QSER1: variants seen among roughly 807,000 people sequenced by gnomAD.
The protein encoded by QSER1 is glutamine and serine rich 1.
A neutral mutation model predicts 158.5 loss-of-function variants in QSER1; 49 were observed. The ratio of observed to expected loss-of-function variants is 0.31; its 90% CI spans 0.25 to 0.39. The LOEUF (loss-of-function observed/expected upper bound fraction) is 0.39. Ranked by LOEUF, QSER1 falls within the 10% of genes least tolerant of loss-of-function variation. The pLI is 1.00. For missense variants in QSER1, 1,754 were observed against 2,010.3 expected, an observed-to-expected ratio of 0.87 and a Z score of 2.44; for synonymous variants, 650 against 715.5, an observed-to-expected ratio of 0.91 and a Z score of 1.46.
chr11:32,934,385 CAG>C lies in QSER1; in HGVS notation c.3129_3130del (p.Asn1044TyrfsTer3), dbSNP rs752569173. Reference protein sequence around the residue: ...NSMTATVGKPQNINDTSLNGN... With the variant: ...NSMTATVGKPXNINDTSLNGN... ...TATGACAGCTACAGTAGGAAAGCCA[CAG>C]AATATAAATGATACTTCCTTAAATG... On this transcript the variant is annotated frameshift_variant, in exon 4 of 13. Transcript: ENST00000650167. LOFTEE classifies it high-confidence loss of function. 1 of 1,613,730 alleles carries C rather than the reference CAG, an allele frequency of 6.2e-7. No individual in the cohort carries two copies. Among genetic ancestry groups the C allele is most frequent in the Non-Finnish European group, 8.5e-7 (1 of 1,179,896 alleles).
chr11:32,900,503 G>A (rs534688576), intron 1 of QSER1, among the ~76,000 whole-genome samples: 22 of 150,372 alleles, frequency 1.5e-4, no homozygotes, highest in South Asian at 4.2e-4. Flanking sequence ...AGACTGCAGT[G>A]AGCTGAGATC....
intron 4 of QSER1, among the ~76,000 whole-genome samples, chr11:32,943,670 A>C (rs1187161894): frequency 6.6e-6 from 1 of 150,922 alleles, no homozygotes; most frequent in Non-Finnish European, 1.5e-5. Context: ...ATCAATGTTC[A>C]TCAAGGATAT....
At chr11:32,938,180 A>G (rs555657181) in intron 4 of QSER1, among the ~76,000 whole-genome samples, 10 of 152,188 alleles carry the variant, frequency 6.6e-5, no homozygotes, top group Non-Finnish European at 1.3e-4. Flanking sequence ...CTCATCTGTA[A>G]AATGGGACAT....
At chr11:32,907,565 C>T (rs1442288645) in intron 1 of QSER1, among the ~76,000 whole-genome samples, 2 of 152,098 alleles carry the variant, frequency 1.3e-5, no homozygotes, top group African/African-American at 4.8e-5. Context: ...CTGAAAAAAA[C>T]ATTTCGTAGC....
intron 1 of QSER1, among the ~76,000 whole-genome samples, chr11:32,909,032 C>T (rs184600058): frequency 1.5e-3 from 225 of 152,224 alleles, no homozygotes; most frequent in African/African-American, 5.0e-3. Context: ...TGGTGGTACA[C>T]GCCTATGGTC....
Position 32,934,005 on chromosome 11 carries a change from ATCC to A in QSER1, c.2750_2752del (p.Pro917del). On this transcript the variant is annotated inframe_deletion, in exon 4 of 13. Transcript: ENST00000650167. ...GGTGATCATTCTCAGCAGCAACTCC[ATCC>A]TCAAAATTCTGAAGTTATGAAAATG... 6.2e-7 allele frequency: 1 copy of A among 1,613,718 alleles called. No homozygotes were observed. The highest frequency in any genetic ancestry group is 8.5e-7 in the Non-Finnish European group (1 of 1,179,868).
At chr11:32,903,655 G>A (rs938124055) in intron 1 of QSER1, among the ~76,000 whole-genome samples, 3 of 152,058 alleles carry the variant, frequency 2.0e-5, no homozygotes, top group Non-Finnish European at 4.4e-5. Context: ...CGCCCAGGCT[G>A]GAGTACAGTG....
intron 11 of QSER1, 37 bp downstream of exon 11, chr11:32,973,586 T>C: frequency 6.5e-7 from 1 of 1,539,426 alleles, no homozygotes. Context: ...CTATACCTTT[T>C]CCAATTGTTA....
rs1450693241 is a variant in QSER1 at position 32,928,089 on chromosome 11, C to T, written c.450C>T (p.Leu150=). 7 of 1,613,626 alleles carry T rather than the reference C, an allele frequency of 4.3e-6. No homozygotes were observed. Among genetic ancestry groups the T allele is most frequent in the Non-Finnish European group, 5.9e-6 (7 of 1,179,698 alleles). ...TAQAAASGTT[L]LPQFRAPSWQ... is the part of the protein sequence containing the mutation. ...AGGCTGCTGCTTCAGGAACTACTCT[C>T]TTACCACAATTCAGGGCTCCATCCT... is the stretch of plus-strand genomic sequence containing the variant. Residue 150 remains leucine, a synonymous_variant, in exon 3 of 13, where the codon CTC becomes CTT. Coordinates refer to ENST00000650167, the MANE Select transcript of QSER1 (RefSeq NM_001076786.3).
chr11:32,973,460 G>A lies in QSER1; in HGVS notation c.5269G>A (p.Gly1757Arg), dbSNP rs1427469464. 1.2e-6 allele frequency: 2 copies of A among 1,613,442 alleles called. No homozygotes were observed. Among genetic ancestry groups the A allele is most frequent in the African/African-American group, 2.7e-5 (2 of 74,918 alleles). The change falls in exon 11 of 13, where the codon GGA (glycine) becomes AGA (arginine). Residue 1757 changes from glycine to arginine, a missense_variant. By Grantham distance (125) the Gly-to-Arg change is moderately radical (BLOSUM62 -2). Coordinates refer to ENST00000650167, the MANE Select transcript of QSER1 (RefSeq NM_001076786.3). ...ITRDSKAKSGGTAISKIKMNG... is the reference protein window; with the variant it reads ...ITRDSKAKSGRTAISKIKMNG... Reference sequence around the variant, plus strand: ...TCGAGATTCTAAAGCAAAGAGTGGAGGAACTGCTATTTCTAAAATCAAAAT... The same window carrying A: ...TCGAGATTCTAAAGCAAAGAGTGGAAGAACTGCTATTTCTAAAATCAAAAT...
At chr11:32,915,243 TA>T (rs967792312) in intron 1 of QSER1, among the ~76,000 whole-genome samples, 23 of 152,152 alleles carry the variant, frequency 1.5e-4, no homozygotes, top group African/African-American at 5.3e-4. Flanking sequence ...AATTTTTTTT[TA>T]AAATGTGACA....
rs1336403591 is a variant in QSER1 at position 32,966,301 on chromosome 11, A to C, written c.4971A>C (p.Glu1657Asp). Residue 1657 changes from glutamate (E) to aspartate (D), a missense_variant and splice_region_variant, in exon 9 of 13, where the codon GAA becomes GAC. This residue lies in a region of QSER1 where 1,707 missense variants were observed against 1,919.6 expected (regional missense o/e 0.89). Transcript: ENST00000650167. ...TATTTAACCCTTTCTCCCTCCCAGA[A>C]TTTGAACCTCCCGCTCCCTTTGTCA... ...EIHTSSSDDE[E>D]FEPPAPFVTR... 1 of 1,611,082 alleles carries C rather than the reference A, an allele frequency of 6.2e-7. No individual in the cohort carries two copies. Among genetic ancestry groups the C allele is most frequent in the East Asian group, 2.2e-5 (1 of 44,836 alleles).
rs749667471 is a variant in QSER1 at position 32,932,474 on chromosome 11, A to G, written c.1216A>G (p.Thr406Ala). Residue 406 changes from threonine to alanine, a missense_variant, in exon 4 of 13, where the codon ACT (threonine) becomes GCT (alanine). By Grantham distance (58) the Thr-to-Ala change is moderately conservative. Coordinates refer to ENST00000650167, the MANE Select transcript of QSER1 (RefSeq NM_001076786.3). The stretch of plus-strand genomic sequence containing the variant: ...TCCATCATCAGGGTATCCTCCTTCT[A>G]CTACAAAAATAAAAAGCTGTTCTAC... The part of the protein sequence containing the change: ...AIPSSGYPPS[T>A]TKIKSCSTEQ... The G allele has an allele frequency of 1.9e-6, 3 of 1,613,686 alleles. No individual in the cohort carries two copies. The highest frequency in any genetic ancestry group is 1.7e-5 in the Admixed American group (1 of 59,978).
chr11:32,964,775 CACACACAT>C (rs1385617654), intron 8 of QSER1, among the ~76,000 whole-genome samples: 13 of 143,808 alleles, frequency 9.0e-5, no homozygotes, highest in Admixed American at 2.7e-4. Flanking sequence ...CACACACACA[CACACACAT>C]ACACACACAT....
chr11:32,945,079 C>A (rs1371426854), intron 4 of QSER1, among the ~76,000 whole-genome samples: 2 of 120,456 alleles, frequency 1.7e-5, no homozygotes, highest in Admixed American at 8.6e-5. Flanking sequence ...TTTTGTTTTC[C>A]ATTTGCTTGG....
chr11:32,898,016 G>A (rs1810010069), intron 1 of QSER1, among the ~76,000 whole-genome samples: 1 of 152,204 alleles, frequency 6.6e-6, no homozygotes, highest in African/African-American at 2.4e-5. Context: ...TTGGACAACT[G>A]TGGTAGCTTC....
chr11:32,923,153 A>G (rs1381383834), intron 1 of QSER1, among the ~76,000 whole-genome samples: 1 of 152,242 alleles, frequency 6.6e-6, no homozygotes, highest in African/African-American at 2.4e-5. Context: ...AACAACATAG[A>G]TGAATCTCAG....
Position 32,933,056 on chromosome 11 carries a change from C to T in QSER1, c.1798C>T (p.Pro600Ser), listed in dbSNP as rs1376967097. 1.2e-6 allele frequency: 2 copies of T among 1,613,344 alleles called. No homozygotes were observed. The highest frequency in any genetic ancestry group is 1.7e-6 in the Non-Finnish European group (2 of 1,179,988). The change falls in exon 4 of 13, where the codon CCT (proline) becomes TCT (serine). Residue 600 changes from proline (P) to serine (S), a missense_variant. Around this residue, in one of 2 missense-constraint regions of QSER1, gnomAD observed 1,707 missense variants for 1,919.6 expected, o/e 0.89. Coordinates refer to ENST00000650167, the MANE Select transcript of QSER1 (RefSeq NM_001076786.3). ...AGGGGAGTCCCTAACATTAACAGCC[C>T]CTTCTCTTTCTTATTCTTCTGCCTC... is the stretch of plus-strand genomic sequence containing the variant. ...ASGESLTLTA[P>S]SLSYSSASRA... is the part of the protein sequence containing the mutation.
chr11:32,946,642 A>G (rs1852336924), intron 4 of QSER1, among the ~76,000 whole-genome samples: 1 of 152,214 alleles, frequency 6.6e-6, no homozygotes, highest in South Asian at 2.1e-4. Context: ...AAGCTGTCAG[A>G]CAGGGACATT....
Sources: gnomAD v4.1 joint callset for allele counts (sites outside exome capture counted in the v4.1 genomes callset) on GRCh38, gnomAD v4.1.1 for gene constraint, gnomAD v4.1.1 regional missense constraint, MANE v1.5 for transcripts, NCBI Gene and HGNC (gene_info 2026-07-23, HGNC 2026-07-21) for gene names.